The following ADRA1B variants were observed in gnomAD, a reference collection of about 807,000 sequenced individuals.
ADRA1B encodes alpha-1B adrenergic receptor.
A neutral mutation model predicts 17.9 loss-of-function variants in ADRA1B; 17 were observed. The observed-to-expected ratio is 0.95, with a 90% CI of 0.65 to 1.42. The LOEUF is 1.42. Among genes scored for constraint, ADRA1B ranks in the 40% most tolerant of loss-of-function variants. The probability of loss-of-function intolerance (pLI) is 0.00; values close to 1 mark genes in which losing one functional copy is unlikely to be tolerated. For synonymous variants in ADRA1B, 366 were observed against 327.6 expected, an observed-to-expected ratio of 1.12 and a Z score of -1.27; for missense variants, 681 against 722.1, an observed-to-expected ratio of 0.94 and a Z score of 0.65.
At chr5:159,968,700 T>C (rs191527237) in intron 1 of ADRA1B, among the ~76,000 whole-genome samples, 1 of 152,332 alleles carries the variant, frequency 6.6e-6, no homozygotes, top group East Asian at 1.9e-4. Context: ...CCCTGTGTAA[T>C]GCACAAGGCT....
At chr5:159,874,752 T>A (rs1252813758) in intron 1 of ADRA1B, among the ~76,000 whole-genome samples, 1 of 152,186 alleles carries the variant, frequency 6.6e-6, no homozygotes, top group Admixed American at 6.5e-5. Context: ...ACTTGCCCCC[T>A]TGGGGGTCAG....
chr5:159,957,550 G>A (rs527259278), intron 1 of ADRA1B, among the ~76,000 whole-genome samples: 21 of 151,354 alleles, frequency 1.4e-4, no homozygotes, highest in Admixed American at 1.1e-3. Flanking sequence ...AATTCATTGG[G>A]TGTCAATTAT....
chr5:159,979,493 G>A, the ADRA1B span, among the ~76,000 whole-genome samples: 1 of 152,178 alleles, frequency 6.6e-6, no homozygotes, highest in Non-Finnish European at 1.5e-5. Flanking sequence ...CCAATAAAGG[G>A]CTTTGGGAAT....
At chr5:159,892,797 G>T (rs570239938) in intron 1 of ADRA1B, among the ~76,000 whole-genome samples, 6 of 152,294 alleles carry the variant, frequency 3.9e-5, no homozygotes, top group African/African-American at 7.2e-5. Context: ...GTGAACATAT[G>T]CATGCATGTA....
intron 1 of ADRA1B, among the ~76,000 whole-genome samples, chr5:159,939,379 A>T (rs911476147): frequency 6.6e-6 from 1 of 150,964 alleles, no homozygotes; most frequent in African/African-American, 2.4e-5. Context: ...TAAATTGCTG[A>T]CCTGCTTACA....
Position 159,944,663 on chromosome 5 carries a change from C to A in ADRA1B, c.949+26809C>A, listed in dbSNP as rs189556234. ...CATGTGCCAGGCACTGTGCTAAGTG[C>A]CTCATATATGTTACCTCCTTCAATC... On this transcript the variant is annotated intron_variant, in intron 1 of 1. Transcript: ENST00000306675. Among the ~76,000 whole-genome samples the A allele has an allele frequency of 1.5e-3, 232 of 152,204 alleles. 1 individual carries two copies. The highest frequency in any genetic ancestry group is 5.5e-3 in the African/African-American group (227 of 41,518).
At position 159,971,944 on chromosome 5, in the gene ADRA1B, T is replaced by G; in HGVS notation, c.1015T>G (p.Phe339Val). The change falls in exon 2 of 2, where the codon TTC (phenylalanine) becomes GTC (valine). Residue 339 changes from phenylalanine to valine, a missense_variant. Around this residue, in one of 3 missense-constraint regions of ADRA1B, gnomAD observed 424 missense variants for 480.2 expected, o/e 0.88. Transcript: ENST00000306675. ...CAAGGTGGTGTTCTGGCTGGGCTACTTCAACAGCTGCCTCAACCCCATCAT... is the reference window on the plus strand; with the variant it reads ...CAAGGTGGTGTTCTGGCTGGGCTACGTCAACAGCTGCCTCAACCCCATCAT... Reference protein sequence around the residue: ...VFKVVFWLGYFNSCLNPIIYP... With the variant: ...VFKVVFWLGYVNSCLNPIIYP... 7.2e-7 allele frequency: 1 copy of G among 1,392,782 alleles called. No homozygotes were observed. The allele number at this position is 1,392,782 out of a possible 1,614,324, so 86.3% of individuals were successfully genotyped here. A position where few individuals can be genotyped will look rare whatever the true frequency, so the allele number is the denominator to read the frequency against.
chr5:159,868,752 C>A (rs968919932), intron 1 of ADRA1B: 1 of 152,158 alleles, frequency 6.6e-6, no homozygotes, highest in Non-Finnish European at 1.5e-5. Flanking sequence ...GGTACAACAT[C>A]CTTACTCAAA....
chr5:159,868,718 T>C (rs1753696635), intron 1 of ADRA1B: 1 of 152,212 alleles, frequency 6.6e-6, no homozygotes. Context: ...CCAATACTCA[T>C]TAGATGTCTC....
intron 1 of ADRA1B, chr5:159,950,942 A>C: frequency 1.8e-6 from 1 of 569,724 alleles, no homozygotes; most frequent in Non-Finnish European, 3.3e-6. Context: ...GCCATCCACA[A>C]TCTTCTGGGT....
rs140984132 is a variant in ADRA1B, at chr5:159,967,564, T to C, written c.950-4315T>C. 3.5e-3 allele frequency among the ~76,000 whole-genome samples: 531 copies of C among 152,094 alleles called. 1 individual carries two copies. The highest frequency in any genetic ancestry group is 0.012 in the African/African-American group (507 of 41,550). On this transcript the variant is annotated intron_variant, in intron 1 of 1. Coordinates refer to ENST00000306675, the MANE Select transcript of ADRA1B (RefSeq NM_000679.4). ...ATAGATATTGTCCCCATTTTACAGATGGGAAAATTGAGGCTGAGATGGCTA... is the reference window on the plus strand; with the variant it reads ...ATAGATATTGTCCCCATTTTACAGACGGGAAAATTGAGGCTGAGATGGCTA...
At chr5:159,925,050 G>A (rs1483463750) in intron 1 of ADRA1B, among the ~76,000 whole-genome samples, 1 of 152,220 alleles carries the variant, frequency 6.6e-6, no homozygotes, top group Admixed American at 6.5e-5. Context: ...GAGAGATTGA[G>A]TGATTTGCCT....
intron 1 of ADRA1B, among the ~76,000 whole-genome samples, chr5:159,925,615 C>T (rs1026580785): frequency 1.2e-4 from 18 of 152,188 alleles, no homozygotes; most frequent in Admixed American, 8.5e-4. Flanking sequence ...GCATCGTGGG[C>T]GAGAGAGTAT....
intron 1 of ADRA1B, among the ~76,000 whole-genome samples, chr5:159,908,130 G>A (rs148746643): frequency 1.3e-5 from 2 of 152,300 alleles, no homozygotes; most frequent in Non-Finnish European, 2.9e-5. Context: ...TAGGAGGAGA[G>A]ATTCAATCCT....
upstream of ADRA1B, among the ~76,000 whole-genome samples, chr5:159,913,448 T>C (rs188518572): frequency 4.6e-5 from 7 of 152,312 alleles, no homozygotes; most frequent in East Asian, 1.2e-3. Context: ...CTAATACCTG[T>C]TCCCCTTACA....
intron 1 of ADRA1B, among the ~76,000 whole-genome samples, chr5:159,878,261 C>G (rs113402690): frequency 7.2e-5 from 11 of 152,318 alleles, no homozygotes; most frequent in African/African-American, 2.6e-4. Flanking sequence ...CAAGGACTAA[C>G]AGGAAAGCAC....
At chr5:159,951,199 C>T (rs970050175) in intron 1 of ADRA1B, 41 of 779,866 alleles carry the variant, frequency 5.3e-5, no homozygotes, top group Admixed American at 8.5e-5. Flanking sequence ...TGGTGAAAGA[C>T]GCTGGTGGAC....
At chr5:159,887,851 A>G (rs13176344) in intron 1 of ADRA1B, among the ~76,000 whole-genome samples, 9,550 of 151,572 alleles carry the variant, frequency 0.063, 359 homozygotes, top group Middle Eastern at 0.12. Flanking sequence ...GAGCCCTAGC[A>G]TTTCGGTGGA....
At chr5:159,919,502 C>G (rs1158648873) in intron 1 of ADRA1B, among the ~76,000 whole-genome samples, 2 of 152,204 alleles carry the variant, frequency 1.3e-5, no homozygotes, top group Non-Finnish European at 1.5e-5. Flanking sequence ...AATATTTGCT[C>G]CATGGAGTTT....
Sources: gnomAD v4.1 joint callset for allele counts (sites outside exome capture counted in the v4.1 genomes callset) on GRCh38, gnomAD v4.1.1 for gene constraint, gnomAD v4.1.1 regional missense constraint, MANE v1.5 for transcripts, NCBI Gene and HGNC (gene_info 2026-07-23, HGNC 2026-07-21) for gene names.